ICA1: variants seen among roughly 807,000 people sequenced by gnomAD.
The protein encoded by ICA1 is islet cell autoantigen 1.
Under a neutral mutation model 71.0 loss-of-function variants are expected in ICA1, and 40 were observed. The ratio of observed to expected loss-of-function variants is 0.56; its 90% CI spans 0.44 to 0.73. The LOEUF (loss-of-function observed/expected upper bound fraction) is 0.73. ICA1 is among the 30% of genes least tolerant of loss of function. The probability of loss-of-function intolerance (pLI) is 0.00; values close to 1 mark genes in which losing one functional copy is unlikely to be tolerated. For missense variants in ICA1, 578 were observed against 576.5 expected, an observed-to-expected ratio of 1.00 and a Z score of -0.03; for synonymous variants, 207 against 209.5, an observed-to-expected ratio of 0.99 and a Z score of 0.10.
intron 9 of ICA1, 82 bp from the exon 10 acceptor site, chr7:8,141,899 C>G: frequency 2.2e-6 from 3 of 1,347,924 alleles, no homozygotes; most frequent in Non-Finnish European, 3.1e-6. Flanking sequence ...TACAATATTA[C>G]TTCACTTTTA....
In ICA1 at chr7:8,144,937, A is replaced by C. The variant is rs1796380224; in HGVS notation, c.805-965T>G. On this transcript the variant is annotated intron_variant, in intron 8 of 13. Coordinates refer to ENST00000402384, the MANE Select transcript of ICA1 (RefSeq NM_001136020.3). This position sits in a 1 kb window ranked among gnomAD's most constrained non-coding sequence, Gnocchi z 4.5. ...CACACATAGGAGGCAATCAGGTTTC[A>C]TGGCCAATTCTGATTGATTAGTACT... Among the ~76,000 whole-genome samples, 1 of 152,094 alleles carries C rather than the reference A, an allele frequency of 6.6e-6. No individual in the cohort carries two copies. The highest frequency in any genetic ancestry group is 2.4e-5 in the African/African-American group (1 of 41,402).
chr7:8,245,482 G>A (rs982116620), intron 1 of ICA1, among the ~76,000 whole-genome samples: 2 of 151,906 alleles, frequency 1.3e-5, no homozygotes, highest in Admixed American at 6.6e-5. Context: ...TGGGTACAGT[G>A]GGCCAGCATG....
chr7:8,254,596 C>G (rs1809390346), intron 1 of ICA1, among the ~76,000 whole-genome samples: 1 of 150,706 alleles, frequency 6.6e-6, no homozygotes, highest in Admixed American at 6.6e-5. Flanking sequence ...AAGCCCAGAG[C>G]TTATAAAGCA....
At chr7:8,120,797 C>T (rs1164359802) in intron 13 of ICA1, among the ~76,000 whole-genome samples, 2 of 152,242 alleles carry the variant, frequency 1.3e-5, no homozygotes, top group African/African-American at 2.4e-5. Context: ...GGCATAAGGC[C>T]GGCCAGCTAC....
intron 1 of ICA1, among the ~76,000 whole-genome samples, chr7:8,249,725 T>C (rs1007392018): frequency 6.6e-6 from 1 of 152,240 alleles, no homozygotes; most frequent in Non-Finnish European, 1.5e-5. Context: ...TATTTTGTTC[T>C]TCCATACACT....
At chr7:8,251,205 T>A (rs1438382172) in intron 1 of ICA1, among the ~76,000 whole-genome samples, 1 of 152,180 alleles carries the variant, frequency 6.6e-6, no homozygotes, top group Non-Finnish European at 1.5e-5. Context: ...TTTAAATGAT[T>A]GTTTTATTTA....
chr7:8,141,900 T>C lies in ICA1; in HGVS notation c.903-83A>G, dbSNP rs1795353221. The C allele has an allele frequency of 2.2e-6, 3 of 1,346,034 alleles. No homozygotes were observed. In the South Asian group the frequency reaches 3.8e-5, roughly 17 times the overall value. 83.4% of individuals were successfully genotyped at this position (1,346,034 alleles called of 1,614,324 possible). Reference sequence around the variant, plus strand: ...AGCCAGACTTTCAGTACAATATTACTTCACTTTTAACACAAACACATACAC... The same window carrying C: ...AGCCAGACTTTCAGTACAATATTACCTCACTTTTAACACAAACACATACAC... On this transcript the variant is annotated intron_variant, in intron 9 of 13. Coordinates refer to ENST00000402384, the MANE Select transcript of ICA1 (RefSeq NM_001136020.3).
chr7:8,201,342 C>T (rs1789604048), intron 6 of ICA1, among the ~76,000 whole-genome samples: 1 of 152,126 alleles, frequency 6.6e-6, no homozygotes, highest in South Asian at 2.1e-4. Flanking sequence ...GGACTTGATC[C>T]TACACTTCGT....
intron 1 of ICA1, among the ~76,000 whole-genome samples, chr7:8,258,245 G>C (rs1810929650): frequency 6.6e-6 from 1 of 152,130 alleles, no homozygotes; most frequent in Non-Finnish European, 1.5e-5. Flanking sequence ...TCTGAGTCTT[G>C]GGATTCTGAG....
chr7:8,200,091 T>C (rs1413614684), intron 6 of ICA1, among the ~76,000 whole-genome samples: 2 of 151,928 alleles, frequency 1.3e-5, no homozygotes, highest in African/African-American at 4.8e-5. Context: ...AAAAGATAAA[T>C]GCTTGAGGAA....
chr7:8,256,030 CT>C (rs1810033128), intron 1 of ICA1, among the ~76,000 whole-genome samples: 1 of 151,754 alleles, frequency 6.6e-6, no homozygotes, highest in Non-Finnish European at 1.5e-5. Flanking sequence ...TTGCCCTGGT[CT>C]CCCAAAGTGC....
At chr7:8,131,403 C>T (rs1226131547) in intron 12 of ICA1, among the ~76,000 whole-genome samples, 1 of 152,180 alleles carries the variant, frequency 6.6e-6, no homozygotes, top group Non-Finnish European at 1.5e-5. Context: ...TCCTATTCAA[C>T]TCAAACTTTT....
In ICA1 at chr7:8,259,411, C is replaced by A. The variant is rs559449856; in HGVS notation, c.-80+2683G>T. Among the ~76,000 whole-genome samples the A allele has an allele frequency of 6.6e-5, 10 of 152,250 alleles. No individual in the cohort carries two copies. In the South Asian group the frequency reaches 1.9e-3, roughly 28 times the overall value. ...ACCCCCCAACTTCAGAGAGTGTTTT[C>A]CATAAAGCCCAGGGTCTTAGTATTG... is the stretch of plus-strand genomic sequence containing the variant. On this transcript the variant is annotated intron_variant, in intron 1 of 13. Transcript: ENST00000402384.
At chr7:8,231,531 A>G in intron 3 of ICA1, among the ~76,000 whole-genome samples, 1 of 152,216 alleles carries the variant, frequency 6.6e-6, no homozygotes, top group East Asian at 1.9e-4. Context: ...AATAGCTGTA[A>G]TAAGTAGGTA....
At chr7:8,227,855 G>A in intron 4 of ICA1, 1 of 449,796 alleles carries the variant, frequency 2.2e-6, no homozygotes. Flanking sequence ...TAAAATGCTG[G>A]GATTACAGAT....
chr7:8,156,726 T>C, intron 8 of ICA1: 3 of 1,098,038 alleles, frequency 2.7e-6, no homozygotes, highest in South Asian at 2.1e-5. Flanking sequence ...TATTTGAATA[T>C]AATAATTAAA....
intron 6 of ICA1, among the ~76,000 whole-genome samples, chr7:8,185,032 C>T (rs921061064): frequency 6.6e-6 from 1 of 151,412 alleles, no homozygotes; most frequent in African/African-American, 2.4e-5. Flanking sequence ...TGAGATTGTG[C>T]CACTGCACTC....
At chr7:8,202,098 G>A (rs1177496549) in intron 6 of ICA1, among the ~76,000 whole-genome samples, 1 of 152,186 alleles carries the variant, frequency 6.6e-6, no homozygotes, top group East Asian at 1.9e-4. Flanking sequence ...ACAGTACAGA[G>A]GAAGCCAAAT....
intron 6 of ICA1, among the ~76,000 whole-genome samples, chr7:8,198,985 C>CA (rs1406124201): frequency 6.6e-6 from 1 of 152,126 alleles, no homozygotes; most frequent in Non-Finnish European, 1.5e-5. Flanking sequence ...AACAGGCATA[C>CA]AAAAAAGTGC....
Sources: gnomAD v4.1 joint callset for allele counts (sites outside exome capture counted in the v4.1 genomes callset) on GRCh38, gnomAD v4.1.1 for gene constraint, Gnocchi (gnomAD v3.1) non-coding constraint, MANE v1.5 for transcripts, NCBI Gene and HGNC (gene_info 2026-07-23, HGNC 2026-07-21) for gene names.